Variants in APAF1 observed in about 807,000 individuals in gnomAD.
The protein encoded by APAF1 is apoptotic peptidase activating factor 1, also known as apoptotic protease-activating factor 1.
Under a neutral mutation model 152.4 loss-of-function variants are expected in APAF1, and 91 were observed. That is an observed-to-expected ratio of 0.60 (90% CI 0.50 to 0.71). The LOEUF (loss-of-function observed/expected upper bound fraction) is 0.71. Ranked by LOEUF, APAF1 falls within the 30% of genes least tolerant of loss-of-function variation. APAF1 has a pLI of 0.00. For synonymous variants in APAF1, 484 were observed against 494.1 expected (o/e 0.98, Z 0.27); for missense variants, 1,283 against 1,472.0 (o/e 0.87, Z 2.10).
intron 16 of APAF1, among the ~76,000 whole-genome samples, chr12:98,698,729 A>G (rs1471970541): frequency 6.6e-6 from 1 of 152,120 alleles, no homozygotes; most frequent in African/African-American, 2.4e-5. Flanking sequence ...GGCAGTCATT[A>G]TCACTCTGTG....
chr12:98,668,870 G>T (rs762070029), intron 10 of APAF1, among the ~76,000 whole-genome samples: 17 of 152,144 alleles, frequency 1.1e-4, no homozygotes, highest in Non-Finnish European at 1.6e-4. Context: ...CTAGAATTCT[G>T]GGGAGAATTA....
chr12:98,693,482 T>G (rs1447328590), intron 16 of APAF1, among the ~76,000 whole-genome samples: 12 of 152,168 alleles, frequency 7.9e-5, no homozygotes, highest in Admixed American at 7.9e-4. Context: ...ATCGTGTGAA[T>G]TTTTTTCCTC....
chr12:98,649,289 T>G, intron 3 of APAF1, 198 bp from the exon 4 acceptor site: 1 of 894,164 alleles, frequency 1.1e-6, no homozygotes, highest in Non-Finnish European at 1.3e-6. Flanking sequence ...TTAGTCATCT[T>G]GAAGGATATA....
At chr12:98,694,336 A>G (rs1440817662) in intron 16 of APAF1, among the ~76,000 whole-genome samples, 2 of 152,316 alleles carry the variant, frequency 1.3e-5, no homozygotes, top group East Asian at 3.9e-4. Flanking sequence ...TAAACTGCCT[A>G]CAGAATGGTG....
chr12:98,648,837 T>C (rs2097645516), intron 3 of APAF1, 22 bp downstream of exon 3: 3 of 1,605,852 alleles, frequency 1.9e-6, no homozygotes, highest in East Asian at 2.2e-5. Flanking sequence ...TTATACCTTC[T>C]ATCACTTTGC....
intron 5 of APAF1, among the ~76,000 whole-genome samples, chr12:98,661,642 ATAT>A (rs1593032994): frequency 6.6e-6 from 1 of 151,796 alleles, no homozygotes; most frequent in African/African-American, 2.4e-5. Flanking sequence ...CGCCTGGCTA[ATAT>A]TATATTAGAG....
At chr12:98,719,459 C>T (rs1214168170) in intron 22 of APAF1, among the ~76,000 whole-genome samples, 11 of 152,094 alleles carry the variant, frequency 7.2e-5, no homozygotes, top group African/African-American at 2.7e-4. Context: ...AAGCAATTCC[C>T]CTGCCTCAGC....
At chr12:98,689,837 A>C (rs913667490) in intron 16 of APAF1, among the ~76,000 whole-genome samples, 2 of 152,196 alleles carry the variant, frequency 1.3e-5, no homozygotes, top group Admixed American at 1.3e-4. Flanking sequence ...CTATATCTAT[A>C]GGTAGAAACT....
chr12:98,673,598 G>T (rs183894971), intron 12 of APAF1, among the ~76,000 whole-genome samples: 128 of 152,246 alleles, frequency 8.4e-4, no homozygotes, highest in Middle Eastern at 3.4e-3. Context: ...GTCCAGGTTG[G>T]TATCTGTGAT....
intron 15 of APAF1, among the ~76,000 whole-genome samples, chr12:98,684,504 C>T (rs1333322770): frequency 6.8e-6 from 1 of 147,004 alleles, no homozygotes; most frequent in Non-Finnish European, 1.5e-5. Context: ...CTCCTCCTCC[C>T]CCCACCCCCC....
intron 3 of APAF1, 49 bp downstream of exon 3, chr12:98,648,864 G>T (rs1285518873): frequency 3.2e-6 from 5 of 1,550,466 alleles, no homozygotes; most frequent in Non-Finnish European, 4.4e-6. Flanking sequence ...AATTGCTTTG[G>T]GTTTGTCTTA....
chr12:98,694,024 G>A (rs1186508099), intron 16 of APAF1, among the ~76,000 whole-genome samples: 2 of 152,020 alleles, frequency 1.3e-5, no homozygotes, highest in East Asian at 1.9e-4. Flanking sequence ...AAAGCAATGC[G>A]GGAGAGGACT....
At chr12:98,718,759 A>AC (rs1368031324) in intron 22 of APAF1, among the ~76,000 whole-genome samples, 1 of 151,258 alleles carries the variant, frequency 6.6e-6, no homozygotes, top group East Asian at 2.0e-4. Context: ...ACATAGCGAG[A>AC]CCCCATCTCT....
chr12:98,681,141 A>G (rs1316698132), intron 14 of APAF1, among the ~76,000 whole-genome samples: 2 of 152,198 alleles, frequency 1.3e-5, no homozygotes, highest in African/African-American at 4.8e-5. Flanking sequence ...GGCTCACTGC[A>G]ATCTCTGCCT....
intron 16 of APAF1, among the ~76,000 whole-genome samples, chr12:98,689,547 C>A (rs913593986): frequency 1.3e-5 from 2 of 151,518 alleles, no homozygotes; most frequent in African/African-American, 2.4e-5. Context: ...GTGCAGTGGT[C>A]TGGGCTAACT....
chr12:98,675,141 T>C (rs2097685115), intron 12 of APAF1, among the ~76,000 whole-genome samples: 2 of 152,230 alleles, frequency 1.3e-5, no homozygotes, highest in Admixed American at 6.5e-5. Context: ...ATTCAAAGAA[T>C]GCTTTATTTA....
chr12:98,685,370 T>C (rs985532223), intron 15 of APAF1, among the ~76,000 whole-genome samples: 1 of 151,588 alleles, frequency 6.6e-6, no homozygotes, highest in East Asian at 1.9e-4. Flanking sequence ...GGCATCTTGC[T>C]CTGTCGCCAG....
chr12:98,648,343 GAA>G lies in APAF1; in HGVS notation c.-15_-14del. The stretch of plus-strand genomic sequence containing the variant: ...GCTCATGGTTGACAGCTCAGAGAGA[GAA>G]AGATCTGAGGGAAGATGGATGCAAA... On this transcript the variant is annotated 5_prime_UTR_variant, in exon 2 of 27. The change creates a premature stop within an existing upstream ORF in the 5' untranslated region. Transcript: ENST00000551964. The G allele has an allele frequency of 3.7e-6, 6 of 1,614,008 alleles. No homozygotes were observed. The highest frequency in any genetic ancestry group is 5.1e-6 in the Non-Finnish European group (6 of 1,179,952).
intron 4 of APAF1, among the ~76,000 whole-genome samples, chr12:98,655,693 A>G (rs2097656415): frequency 6.6e-6 from 1 of 152,092 alleles, no homozygotes; most frequent in African/African-American, 2.4e-5. Flanking sequence ...GGCTCACTGC[A>G]GCCTCAACTT....
Sources: gnomAD v4.1 joint callset for allele counts (sites outside exome capture counted in the v4.1 genomes callset) on GRCh38, gnomAD v4.1.1 for gene constraint, MANE v1.5 for transcripts, NCBI Gene and HGNC (gene_info 2026-07-23, HGNC 2026-07-21) for gene names.